LRRC37A2: variants seen among roughly 807,000 people sequenced by gnomAD.
LRRC37A2 encodes leucine-rich repeat-containing protein 37A2.
A neutral mutation model predicts 68.8 loss-of-function variants in LRRC37A2; 9 were observed. That is an observed-to-expected ratio of 0.13 (90% CI 0.08 to 0.23). The LOEUF (loss-of-function observed/expected upper bound fraction) is 0.23. LRRC37A2 is among the 10% of genes least tolerant of loss of function. The probability of loss-of-function intolerance (pLI) is 1.00; values close to 1 mark genes in which losing one functional copy is unlikely to be tolerated. For synonymous variants in LRRC37A2, 63 were observed against 367.6 expected (o/e 0.17, Z 9.48); for missense variants, 168 against 950.4 (o/e 0.18, Z 10.82).
At chr17:46,716,960 A>G in the LRRC37A2 span, among the ~76,000 whole-genome samples, 84 of 152,314 alleles carry the variant, frequency 5.5e-4, no homozygotes, top group Non-Finnish European at 5.9e-5. Flanking sequence ...TATCTGAACA[A>G]TCCCTTTTTG....
chr17:46,825,446 G>C, the LRRC37A2 span, among the ~76,000 whole-genome samples: 1 of 152,368 alleles, frequency 6.6e-6, no homozygotes, highest in Non-Finnish European at 1.5e-5. Context: ...CACATTGACT[G>C]CATGCCTGCT....
At chr17:46,835,818 T>C in the LRRC37A2 span, among the ~76,000 whole-genome samples, 1 of 152,092 alleles carries the variant, frequency 6.6e-6, no homozygotes, top group Non-Finnish European at 1.5e-5. Context: ...CTCAGCCCCC[T>C]TCACTCCCCA....
chr17:46,585,308 A>C, the LRRC37A2 span, among the ~76,000 whole-genome samples: 1 of 110,474 alleles, frequency 9.1e-6, no homozygotes. Context: ...ACAGAGCAAG[A>C]CTCCATCTCG....
chr17:46,781,482 G>A, the LRRC37A2 span, among the ~76,000 whole-genome samples: 2 of 152,018 alleles, frequency 1.3e-5, no homozygotes, highest in South Asian at 2.1e-4. Flanking sequence ...CAAGCTAAGC[G>A]ACAGCAACCA....
At chr17:46,865,500 G>A in the LRRC37A2 span, among the ~76,000 whole-genome samples, 2 of 152,176 alleles carry the variant, frequency 1.3e-5, no homozygotes, top group Non-Finnish European at 2.9e-5. Flanking sequence ...GATGGAGGGT[G>A]AGAGCTGGGT....
chr17:46,975,349 G>A, the LRRC37A2 span: 1 of 152,236 alleles, frequency 6.6e-6, no homozygotes, highest in South Asian at 2.1e-4. Context: ...ATCCTGGGAA[G>A]AGCTCTCAAT....
chr17:46,787,957 GAAAA>G, the LRRC37A2 span, among the ~76,000 whole-genome samples: 1 of 98,452 alleles, frequency 1.0e-5, no homozygotes. Context: ...CTCTGCCTCA[GAAAA>G]AAAAAAAAAA....
At chr17:46,729,971 A>G in the LRRC37A2 span, among the ~76,000 whole-genome samples, 1 of 152,122 alleles carries the variant, frequency 6.6e-6, no homozygotes, top group Non-Finnish European at 1.5e-5. Context: ...ATAAACCATC[A>G]TTCCTAGTAA....
At chr17:46,947,449 C>T in the LRRC37A2 span, among the ~76,000 whole-genome samples, 1 of 152,204 alleles carries the variant, frequency 6.6e-6, no homozygotes, top group Non-Finnish European at 1.5e-5. Context: ...CTCCCTACAA[C>T]TTACGTTCAT....
At chr17:46,989,559 G>A in the LRRC37A2 span, among the ~76,000 whole-genome samples, 1 of 152,202 alleles carries the variant, frequency 6.6e-6, no homozygotes, top group African/African-American at 2.4e-5. Context: ...TCAGGGACAG[G>A]GATGTGACCC....
chr17:46,941,385 C>G, the LRRC37A2 span: 8 of 980,634 alleles, frequency 8.2e-6, no homozygotes, highest in African/African-American at 1.8e-5. Flanking sequence ...TAAAAGAATT[C>G]GATATTCATT....
the LRRC37A2 span, chr17:46,939,772 C>T: frequency 1.0e-6 from 1 of 987,364 alleles, no homozygotes; most frequent in Non-Finnish European, 1.2e-6. Context: ...GGACTACAAC[C>T]TTTTTCCTTC....
At chr17:47,039,145 G>A in the LRRC37A2 span, among the ~76,000 whole-genome samples, 1 of 151,306 alleles carries the variant, frequency 6.6e-6, no homozygotes, top group Non-Finnish European at 1.5e-5. Context: ...ATTATTGGTT[G>A]ACAGTTTCTT....
chr17:46,999,861 T>C, the LRRC37A2 span, among the ~76,000 whole-genome samples: 16 of 150,364 alleles, frequency 1.1e-4, no homozygotes, highest in Non-Finnish European at 1.9e-4. Flanking sequence ...TAGCCGGGTG[T>C]GGTGGCGTGT....
the LRRC37A2 span, chr17:46,909,973 G>A: frequency 8.5e-5 from 13 of 152,504 alleles, no homozygotes; most frequent in Admixed American, 7.8e-4. Context: ...TATGGCTCCT[G>A]AGCACTGGTC....
chr17:46,941,952 AGAT>A, the LRRC37A2 span: 5 of 985,172 alleles, frequency 5.1e-6, no homozygotes, highest in Admixed American at 3.1e-4. Flanking sequence ...TCTGTCTCAA[AGAT>A]GATCACATTG....
the LRRC37A2 span, among the ~76,000 whole-genome samples, chr17:46,732,161 G>A: frequency 1.3e-5 from 2 of 152,092 alleles, no homozygotes; most frequent in Non-Finnish European, 2.9e-5. Flanking sequence ...TTCTTTAAAA[G>A]GAGGAACTAT....
chr17:46,609,814 T>G, the LRRC37A2 span, among the ~76,000 whole-genome samples: 3 of 140,156 alleles, frequency 2.1e-5, no homozygotes, highest in African/African-American at 7.9e-5. Context: ...TATTCTCGGG[T>G]GTCTCACTGT....
chr17:46,757,853 G>C, the LRRC37A2 span, among the ~76,000 whole-genome samples: 2 of 152,060 alleles, frequency 1.3e-5, no homozygotes, highest in Non-Finnish European at 2.9e-5. Flanking sequence ...AAACAGCCGG[G>C]TGTGGTGGCA....
Sources: allele counts gnomAD v4.1 joint callset (sites outside exome capture counted in the v4.1 genomes callset), GRCh38; gene constraint gnomAD v4.1.1; transcripts MANE v1.5; gene names NCBI Gene and HGNC (gene_info 2026-07-23, HGNC 2026-07-21).